Variants in NFIC observed in about 807,000 individuals in gnomAD.
NFIC encodes the protein nuclear factor I C.
A neutral mutation model predicts 54.4 loss-of-function variants in NFIC; 12 were observed. The ratio of observed to expected loss-of-function variants is 0.22; its 90% CI spans 0.14 to 0.36. The LOEUF (loss-of-function observed/expected upper bound fraction) is 0.36. Among genes scored for constraint, NFIC ranks in the 10% least tolerant of loss-of-function variants. NFIC has a pLI of 1.00. For synonymous variants in NFIC, 322 were observed against 319.2 expected, an observed-to-expected ratio of 1.01 and a Z score of -0.09; for missense variants, 575 against 718.2, an observed-to-expected ratio of 0.80 and a Z score of 2.28.
chr19:3,423,609 G>A (rs1490644558), intron 2 of NFIC, among the ~76,000 whole-genome samples: 1 of 152,176 alleles, frequency 6.6e-6, no homozygotes, highest in Non-Finnish European at 1.5e-5. Flanking sequence ...GCTCCAGAGG[G>A]GGCGGATGTG....
intron 2 of NFIC, among the ~76,000 whole-genome samples, chr19:3,389,389 C>G (rs902128532): frequency 6.6e-6 from 1 of 152,178 alleles, no homozygotes; most frequent in African/African-American, 2.4e-5. Context: ...TTGTGGGCCA[C>G]AGACAGGAGC....
chr19:3,366,982 C>G (rs2145422152), intron 1 of NFIC, among the ~76,000 whole-genome samples: 1 of 150,768 alleles, frequency 6.6e-6, no homozygotes, highest in South Asian at 2.1e-4. Flanking sequence ...CACCGACGCA[C>G]TCCGCACCCC....
In NFIC at chr19:3,370,177, G is replaced by A. The variant is rs2080974501; in HGVS notation, c.30+3511G>A. On this transcript the variant is annotated intron_variant, in intron 1 of 10. Transcript: ENST00000443272. The surrounding 1 kb of genome is among the most constrained non-coding windows in gnomAD (Gnocchi z 5.2). Reference sequence around the variant, plus strand: ...CGGGAGAGGGGCTAAGAGTCAGAGAGGGCCAGGGCCTGCCCGAGGTGGCAC... The same window carrying A: ...CGGGAGAGGGGCTAAGAGTCAGAGAAGGCCAGGGCCTGCCCGAGGTGGCAC... Among the ~76,000 whole-genome samples the A allele has an allele frequency of 6.6e-6, 1 of 152,172 alleles. No homozygotes were observed. Among genetic ancestry groups the A allele is most frequent in the Non-Finnish European group, 1.5e-5 (1 of 68,014 alleles).
intron 3 of NFIC, among the ~76,000 whole-genome samples, chr19:3,427,579 A>T (rs2082045827): frequency 6.6e-6 from 1 of 152,150 alleles, no homozygotes. Context: ...CTGTAATCCC[A>T]GCACTTTGGG....
At chr19:3,420,730 C>CT (rs201736776) in intron 2 of NFIC, among the ~76,000 whole-genome samples, 106 of 145,540 alleles carry the variant, frequency 7.3e-4, no homozygotes, top group East Asian at 6.0e-3. Context: ...CATTCATCAC[C>CT]TTTTTTTTTT....
intron 2 of NFIC, among the ~76,000 whole-genome samples, chr19:3,411,441 C>A (rs1168186870): frequency 6.7e-6 from 1 of 149,678 alleles, no homozygotes; most frequent in African/African-American, 2.5e-5. Context: ...AATTCTCCTT[C>A]CTCAGCCTAC....
At position 3,463,048 on chromosome 19, in the gene NFIC, G is replaced by A. The variant is rs1002455115; in HGVS notation, c.*279G>A. 9.4e-5 allele frequency: 126 copies of A among 1,340,034 alleles called. No individual in the cohort carries two copies. The Middle Eastern group carries it at 2.0e-3, about 21-fold the overall frequency. 83.0% of individuals were successfully genotyped at this position (1,340,034 alleles called of 1,614,324 possible). On this transcript the variant is annotated 3_prime_UTR_variant, in exon 11 of 11. Transcript: ENST00000443272. The stretch of plus-strand genomic sequence containing the variant: ...TTCCAACTCTCGGGACGCCAAGGCC[G>A]CAGGACTGGAGGGCCAGGCCCCGCC...
intron 10 of NFIC, among the ~76,000 whole-genome samples, chr19:3,460,636 C>G (rs1320124215): frequency 6.6e-6 from 1 of 152,100 alleles, no homozygotes; most frequent in Non-Finnish European, 1.5e-5. Context: ...GCCTCAGCCT[C>G]CCGAGTAGCT....
intron 2 of NFIC, among the ~76,000 whole-genome samples, chr19:3,405,206 C>T (rs1472453771): frequency 6.6e-6 from 1 of 152,228 alleles, no homozygotes; most frequent in Admixed American, 6.5e-5. Flanking sequence ...GCAGGAAGGA[C>T]GAGGCCGGGG....
At chr19:3,441,744 C>G (rs1271890160) in intron 6 of NFIC, among the ~76,000 whole-genome samples, 1 of 152,192 alleles carries the variant, frequency 6.6e-6, no homozygotes, top group Admixed American at 6.5e-5. Context: ...CTTATTGTTG[C>G]AGCCTGCAAG....
Position 3,453,122 on chromosome 19 carries a change from C to A in NFIC, c.1269+456C>A, listed in dbSNP as rs2082494264. On this transcript the variant is annotated intron_variant, in intron 8 of 10. Transcript: ENST00000443272. The surrounding 1 kb of genome is among the most constrained non-coding windows in gnomAD (Gnocchi z 6.7). The stretch of plus-strand genomic sequence containing the variant: ...CGCATGGTGGCGGGCGCCTGTAGTC[C>A]CAGCTACTCAGGAGGCTGAGGTGGG... 6.6e-6 allele frequency among the ~76,000 whole-genome samples: 1 copy of A among 152,124 alleles called. No homozygotes were observed. The highest frequency in any genetic ancestry group is 6.5e-5 in the Admixed American group (1 of 15,268).
At chr19:3,438,235 G>T (rs1182796860) in intron 6 of NFIC, among the ~76,000 whole-genome samples, 1 of 152,092 alleles carries the variant, frequency 6.6e-6, no homozygotes, top group African/African-American at 2.4e-5. Context: ...CTGCCCGGCT[G>T]CTCACTGGCA....
At chr19:3,399,769 G>C (rs2081524850) in intron 2 of NFIC, among the ~76,000 whole-genome samples, 2 of 152,080 alleles carry the variant, frequency 1.3e-5, no homozygotes, top group African/African-American at 4.8e-5. Flanking sequence ...TACTGGGGAG[G>C]CTGAGGCAGA....
intron 1 of NFIC, among the ~76,000 whole-genome samples, chr19:3,377,046 A>G (rs1026901329): frequency 4.1e-5 from 6 of 145,418 alleles, no homozygotes; most frequent in Admixed American, 4.1e-4. Flanking sequence ...CCCATCTCTT[A>G]AAAAAAAAAG....
intron 1 of NFIC, among the ~76,000 whole-genome samples, chr19:3,376,421 A>G (rs1026186792): frequency 2.3e-4 from 27 of 116,166 alleles, no homozygotes; most frequent in African/African-American, 9.1e-4. Context: ...AGTGTGAGAC[A>G]CTGTCTCAAA....
intron 9 of NFIC, among the ~76,000 whole-genome samples, chr19:3,455,060 A>T (rs1485250242): frequency 6.6e-6 from 1 of 152,158 alleles, no homozygotes; most frequent in Non-Finnish European, 1.5e-5. Flanking sequence ...CCCAATTCAC[A>T]GGGCAGTGGG....
rs2082591256 is a variant in NFIC, at chr19:3,458,341, T to C, written c.1509+1706T>C. ...GCCCCTGCGGGAGGCTGGGAACGTC[T>C]TAAGTGGTTCAGAAACCAAAGCTAA... On this transcript the variant is annotated intron_variant, in intron 10 of 10. Transcript: ENST00000443272. The surrounding 1 kb of genome is among the most constrained non-coding windows in gnomAD (Gnocchi z 4.1). Among the ~76,000 whole-genome samples the C allele has an allele frequency of 6.6e-6, 1 of 152,090 alleles. No individual in the cohort carries two copies. Among genetic ancestry groups the C allele is most frequent in the African/African-American group, 2.4e-5 (1 of 41,408 alleles).
At position 3,375,928 on chromosome 19, in the gene NFIC, A is replaced by G. The variant is rs1008359728; in HGVS notation, c.31-5784A>G. Among the ~76,000 whole-genome samples the G allele has an allele frequency of 1.6e-4, 24 of 152,094 alleles. No homozygotes were observed. The highest frequency in any genetic ancestry group is 3.6e-4 in the African/African-American group (15 of 41,506). On this transcript the variant is annotated intron_variant, in intron 1 of 10. Coordinates refer to ENST00000443272, the MANE Select transcript of NFIC (RefSeq NM_001245002.2). The surrounding 1 kb of genome is among the most constrained non-coding windows in gnomAD (Gnocchi z 4.6). ...GTCTCCCTACCTTCCTGAGACCCCA[A>G]TCTTACAGAGAACAGGCTGTTCTGA... is the stretch of plus-strand genomic sequence containing the variant.
Position 3,459,527 on chromosome 19 carries a change from GATACCAGAGCCC to G in NFIC, c.1509+2894_1509+2905del, listed in dbSNP as rs2082610461. Among the ~76,000 whole-genome samples, 6 of 152,152 alleles carry G rather than the reference GATACCAGAGCCC, an allele frequency of 3.9e-5. No individual in the cohort carries two copies. Among genetic ancestry groups the G allele is most frequent in the Non-Finnish European group, 8.8e-5 (6 of 68,030 alleles). On this transcript the variant is annotated intron_variant, in intron 10 of 10. Coordinates refer to ENST00000443272, the MANE Select transcript of NFIC (RefSeq NM_001245002.2). The surrounding 1 kb of genome is among the most constrained non-coding windows in gnomAD (Gnocchi z 4.2). ...CAGGCGGCTGCAGCCAGGCCAGCAG[GATACCAGAGCCC>G]AAACCTCCCCCTTCACACCTACTGC... is the stretch of plus-strand genomic sequence containing the variant.
Sources: gnomAD v4.1 joint callset for allele counts (sites outside exome capture counted in the v4.1 genomes callset) on GRCh38, gnomAD v4.1.1 for gene constraint, Gnocchi (gnomAD v3.1) non-coding constraint, MANE v1.5 for transcripts, NCBI Gene and HGNC (gene_info 2026-07-23, HGNC 2026-07-21) for gene names.